Variants in PDE4D observed in about 807,000 individuals in gnomAD.
PDE4D encodes the protein 3',5'-cyclic-AMP phosphodiesterase 4D.
A neutral mutation model predicts 87.4 loss-of-function variants in PDE4D; 24 were observed. The ratio of observed to expected loss-of-function variants is 0.27; its 90% CI spans 0.20 to 0.39. The LOEUF (loss-of-function observed/expected upper bound fraction) is 0.39, where lower values mean the gene tolerates loss of function less well. Among genes scored for constraint, PDE4D ranks in the 10% least tolerant of loss-of-function variants. PDE4D has a pLI of 1.00. For synonymous variants in PDE4D, 384 were observed against 383.2 expected, an observed-to-expected ratio of 1.00 and a Z score of -0.02; for missense variants, 714 against 1,041.0, an observed-to-expected ratio of 0.69 and a Z score of 4.32.
chr5:60,509,491 A>T (rs1326511209), intron 1 of PDE4D, among the ~76,000 whole-genome samples: 1 of 152,236 alleles, frequency 6.6e-6, no homozygotes, highest in African/African-American at 2.4e-5. Context: ...AATCTGTGAT[A>T]ATGAAGATTG....
intron 1 of PDE4D, among the ~76,000 whole-genome samples, chr5:59,816,871 C>T (rs1421788889): frequency 6.6e-6 from 1 of 152,224 alleles, no homozygotes; most frequent in Non-Finnish European, 1.5e-5. Context: ...AGAACCTCAG[C>T]ATGCACACTT....
chr5:59,988,257 A>G (rs1762642534), intron 3 of PDE4D: 1 of 429,542 alleles, frequency 2.3e-6, no homozygotes, highest in Non-Finnish European at 4.1e-6. Flanking sequence ...AATGTTTATT[A>G]GCATTCACCA....
At chr5:59,602,624 C>A (rs1230460808) in intron 1 of PDE4D, among the ~76,000 whole-genome samples, 1 of 151,942 alleles carries the variant, frequency 6.6e-6, no homozygotes, top group Non-Finnish European at 1.5e-5. Context: ...AAACAATCTA[C>A]AGATTCATTA....
chr5:59,695,587 G>A (rs567930988), intron 1 of PDE4D, among the ~76,000 whole-genome samples: 2 of 152,056 alleles, frequency 1.3e-5, no homozygotes, highest in African/African-American at 4.8e-5. Flanking sequence ...ATTCAAAAAT[G>A]GTGTGTATTT....
At chr5:59,413,246 A>T (rs183297482) in intron 1 of PDE4D, among the ~76,000 whole-genome samples, 2 of 151,992 alleles carry the variant, frequency 1.3e-5, no homozygotes, top group African/African-American at 4.8e-5. Context: ...TCACGAGGTC[A>T]GGAGATCGAG....
At position 59,548,258 on chromosome 5, in the gene PDE4D, A is replaced by G. The variant is rs183764169; in HGVS notation, c.456-332290T>C. Among the ~76,000 whole-genome samples the G allele has an allele frequency of 3.1e-3, 475 of 152,310 alleles. 2 individuals are homozygous for G. Among genetic ancestry groups the G allele is most frequent in the Non-Finnish European group, 5.3e-3 (360 of 68,018 alleles). On this transcript the variant is annotated intron_variant, in intron 1 of 14. Coordinates refer to ENST00000340635, the MANE Select transcript of PDE4D (RefSeq NM_001104631.2). ...GTATTTCACCACATGAATATTTTCAATGTTAAGGAATATAAAAGAAATCTT... is the reference window on the plus strand; with the variant it reads ...GTATTTCACCACATGAATATTTTCAGTGTTAAGGAATATAAAAGAAATCTT...
intron 1 of PDE4D, among the ~76,000 whole-genome samples, chr5:60,337,769 A>C (rs1408849868): frequency 6.6e-6 from 1 of 151,998 alleles, no homozygotes; most frequent in Admixed American, 6.6e-5. Context: ...CCATAGGTTC[A>C]CAATTCCAAC....
At chr5:59,183,664 G>A (rs1742215286) in intron 4 of PDE4D, among the ~76,000 whole-genome samples, 1 of 152,150 alleles carries the variant, frequency 6.6e-6, no homozygotes, top group African/African-American at 2.4e-5. Context: ...GACCTTACAA[G>A]CTACCAAATC....
intron 2 of PDE4D, among the ~76,000 whole-genome samples, chr5:60,096,969 T>C (rs1299567319): frequency 6.6e-6 from 1 of 152,116 alleles, no homozygotes; most frequent in Non-Finnish European, 1.5e-5. Context: ...TATTTCTTCA[T>C]ATAACAAGGC....
At chr5:59,489,452 G>A (rs751706403) in intron 1 of PDE4D, among the ~76,000 whole-genome samples, 1 of 152,060 alleles carries the variant, frequency 6.6e-6, no homozygotes, top group Non-Finnish European at 1.5e-5. Flanking sequence ...GAGATTTAAG[G>A]TGATAAATGG....
At chr5:60,294,905 T>C (rs1261289054) in intron 1 of PDE4D, among the ~76,000 whole-genome samples, 2 of 152,048 alleles carry the variant, frequency 1.3e-5, no homozygotes, top group Admixed American at 6.5e-5. Flanking sequence ...ATAAAAGCCA[T>C]TGTGATGAAG....
In PDE4D at chr5:59,012,462, A is replaced by G. The variant is rs981069529; in HGVS notation, c.922-18997T>C. Among the ~76,000 whole-genome samples, 14 of 152,202 alleles carry G rather than the reference A, an allele frequency of 9.2e-5. No homozygotes were observed. In the East Asian group the frequency reaches 2.7e-3, roughly 29 times the overall value. On this transcript the variant is annotated intron_variant, in intron 6 of 14. Transcript: ENST00000340635. ...AAAATAAAGGGATGGAGGAAGATCTACCAAGCAAATAGAAAACAAAAAAAA... is the reference window on the plus strand; with the variant it reads ...AAAATAAAGGGATGGAGGAAGATCTGCCAAGCAAATAGAAAACAAAAAAAA...
chr5:60,073,988 T>G (rs759671083), intron 2 of PDE4D, among the ~76,000 whole-genome samples: 1 of 152,118 alleles, frequency 6.6e-6, no homozygotes, highest in East Asian at 1.9e-4. Context: ...CCTGGATACA[T>G]TGATCTTTTG....
chr5:60,041,809 G>A (rs993380114), intron 2 of PDE4D, among the ~76,000 whole-genome samples: 3 of 152,126 alleles, frequency 2.0e-5, no homozygotes, highest in Non-Finnish European at 4.4e-5. Context: ...GCAACCTGCA[G>A]ACCAGGAGAT....
At chr5:60,453,085 C>T (rs1272873923) in intron 1 of PDE4D, among the ~76,000 whole-genome samples, 14 of 152,068 alleles carry the variant, frequency 9.2e-5, no homozygotes. Flanking sequence ...AAGCCTCTTA[C>T]CTTTGCTGTT....
Position 59,020,016 on chromosome 5 carries a change from G to A in PDE4D, c.921+18843C>T, listed in dbSNP as rs554510392. Among the ~76,000 whole-genome samples the A allele has an allele frequency of 1.8e-4, 28 of 152,220 alleles. 1 individual carries two copies. The South Asian group carries it at 5.6e-3, about 30-fold the overall frequency. On this transcript the variant is annotated intron_variant, in intron 6 of 14. Transcript: ENST00000340635. ...TGGGCTAAAACAAAAATCCCTCAGT[G>A]AAAACCTAAAGACTGGGTTGTGGTT...
intron 1 of PDE4D, among the ~76,000 whole-genome samples, chr5:59,332,683 C>A (rs1776948983): frequency 1.3e-5 from 2 of 152,114 alleles, no homozygotes; most frequent in Admixed American, 1.3e-4. Context: ...TTAAAAAGAC[C>A]AGAAAACCAA....
chr5:60,314,053 A>G (rs1240543516), intron 1 of PDE4D, among the ~76,000 whole-genome samples: 1 of 152,190 alleles, frequency 6.6e-6, no homozygotes, highest in Non-Finnish European at 1.5e-5. Flanking sequence ...AAATATCACT[A>G]CTACTCTATT....
chr5:59,783,216 G>A (rs952493165), intron 1 of PDE4D, among the ~76,000 whole-genome samples: 2 of 152,124 alleles, frequency 1.3e-5, no homozygotes, highest in Admixed American at 6.5e-5. Flanking sequence ...AGAATCACCC[G>A]GAGAATTTTA....
Sources: gnomAD v4.1 joint callset for allele counts (sites outside exome capture counted in the v4.1 genomes callset) on GRCh38, gnomAD v4.1.1 for gene constraint, MANE v1.5 for transcripts, NCBI Gene and HGNC (gene_info 2026-07-23, HGNC 2026-07-21) for gene names.